The following LMBRD2 variants were observed in gnomAD, a reference collection of about 807,000 sequenced individuals.
LMBRD2 encodes LMBR1 domain containing 2.
In LMBRD2, 55 loss-of-function variants were observed where a neutral mutation model predicts 94.4. That is an observed-to-expected ratio of 0.58 (90% CI 0.47 to 0.73). The LOEUF is 0.73. LMBRD2 is among the 30% of genes least tolerant of loss of function. The probability of loss-of-function intolerance (pLI) is 0.00; values close to 1 mark genes in which losing one functional copy is unlikely to be tolerated. For missense variants in LMBRD2, 640 were observed against 831.9 expected (o/e 0.77, Z 2.84); for synonymous variants, 246 against 272.4 (o/e 0.90, Z 0.95).
chr5:36,114,324 A>T, intron 13 of LMBRD2, 100 bp downstream of exon 13: 1 of 1,393,782 alleles, frequency 7.2e-7, no homozygotes, highest in Middle Eastern at 2.6e-4. Context: ...AGCTACAATG[A>T]AACAAACTGA....
At chr5:36,126,715 T>C (rs1744015549) in intron 6 of LMBRD2, among the ~76,000 whole-genome samples, 1 of 152,104 alleles carries the variant, frequency 6.6e-6, no homozygotes, top group South Asian at 2.1e-4. Flanking sequence ...CAAATGCATA[T>C]ATCAATTTCA....
intron 16 of LMBRD2, among the ~76,000 whole-genome samples, chr5:36,108,121 G>A (rs1743515497): frequency 6.6e-6 from 1 of 152,024 alleles, no homozygotes; most frequent in South Asian, 2.1e-4. Context: ...TACCTTCTTT[G>A]TATTGCTGTA....
At chr5:36,135,324 A>G (rs1744245958) in intron 6 of LMBRD2, among the ~76,000 whole-genome samples, 1 of 152,214 alleles carries the variant, frequency 6.6e-6, no homozygotes, top group Admixed American at 6.5e-5. Flanking sequence ...TAGTGCTTAG[A>G]AAGTCCCTCT....
At position 36,109,526 on chromosome 5, in the gene LMBRD2, G is replaced by A. The variant is rs543070540; in HGVS notation, c.1791+419C>T. 2.0e-5 allele frequency among the ~76,000 whole-genome samples: 3 copies of A among 151,960 alleles called. 1 individual carries two copies. Among genetic ancestry groups the A allele is most frequent in the Non-Finnish European group, 2.9e-5 (2 of 67,950 alleles). On this transcript the variant is annotated intron_variant, in intron 15 of 17. Coordinates refer to ENST00000296603, the MANE Select transcript of LMBRD2 (RefSeq NM_001007527.2). Reference sequence around the variant, plus strand: ...TTTTGCCTTTTCATTTTCTTCAGGAGGGTAGTTTGCCTCAGAAAATGGAGG... The same window carrying A: ...TTTTGCCTTTTCATTTTCTTCAGGAAGGTAGTTTGCCTCAGAAAATGGAGG...
At chr5:36,115,393 C>G (rs761207787) in intron 11 of LMBRD2, among the ~76,000 whole-genome samples, 1 of 152,126 alleles carries the variant, frequency 6.6e-6, no homozygotes, top group Non-Finnish European at 1.5e-5. Context: ...TTGTGGAGTG[C>G]CTTTGTATCA....
rs1051667755 is a variant in LMBRD2 at position 36,099,462 on chromosome 5, C to T, written c.*4584G>A. On this transcript the variant is annotated 3_prime_UTR_variant, in exon 18 of 18. Transcript: ENST00000296603. ...TTGGATTGCTTTTAAAAAATATATA[C>T]ACAGTCTCTCCCCTACAACTTGGTA... 10 of 152,192 alleles carry T rather than the reference C, an allele frequency of 6.6e-5. No homozygotes were observed. The highest frequency in any genetic ancestry group is 2.4e-4 in the African/African-American group (10 of 41,556). 9.4% of individuals were successfully genotyped at this position (152,192 alleles called of 1,614,324 possible).
At chr5:36,129,622 C>T (rs1414310157) in intron 6 of LMBRD2, among the ~76,000 whole-genome samples, 2 of 152,068 alleles carry the variant, frequency 1.3e-5, no homozygotes, top group South Asian at 2.1e-4. Context: ...GGGAGTTCTT[C>T]GATCTGAAAG....
At chr5:36,121,753 C>T (rs1213567859) in intron 9 of LMBRD2, among the ~76,000 whole-genome samples, 6 of 152,122 alleles carry the variant, frequency 3.9e-5, no homozygotes, top group Admixed American at 3.9e-4. Context: ...CATAAAATTA[C>T]AATACTGCAT....
chr5:36,140,488 G>T (rs1744380921), intron 4 of LMBRD2, among the ~76,000 whole-genome samples: 1 of 152,166 alleles, frequency 6.6e-6, no homozygotes, highest in South Asian at 2.1e-4. Flanking sequence ...ACACCCCTAA[G>T]GATCCTGTGA....
At chr5:36,115,504 T>A (rs1177464304) in intron 11 of LMBRD2, among the ~76,000 whole-genome samples, 1 of 152,242 alleles carries the variant, frequency 6.6e-6, no homozygotes, top group African/African-American at 2.4e-5. Context: ...GAACTGAAGT[T>A]GTATCAACAT....
chr5:36,123,038 C>G, intron 7 of LMBRD2, 77 bp from the exon 8 acceptor site: 1 of 1,308,454 alleles, frequency 7.6e-7, no homozygotes. Flanking sequence ...AAAAATCTTT[C>G]ATTCTTGAGC....
intron 4 of LMBRD2, among the ~76,000 whole-genome samples, chr5:36,140,714 A>G (rs1409545465): frequency 6.6e-6 from 1 of 152,200 alleles, no homozygotes; most frequent in Non-Finnish European, 1.5e-5. Flanking sequence ...AGAAAGCCAT[A>G]AAGAGGACGG....
intron 9 of LMBRD2, 66 bp downstream of exon 9, chr5:36,122,214 T>G: frequency 8.4e-7 from 1 of 1,189,272 alleles, no homozygotes; most frequent in South Asian, 1.5e-5. Flanking sequence ...TTGGTGAAAA[T>G]ACATAACTTC....
At chr5:36,137,614 G>A (rs868314612) in intron 4 of LMBRD2, among the ~76,000 whole-genome samples, 173 bp from the exon 5 acceptor site, 1 of 152,172 alleles carries the variant, frequency 6.6e-6, no homozygotes, top group African/African-American at 2.4e-5. Flanking sequence ...GAGTATTTTT[G>A]TAATATAAAA....
chr5:36,110,013 C>T, intron 14 of LMBRD2, 22 bp from the exon 15 acceptor site: 1 of 1,587,266 alleles, frequency 6.3e-7, no homozygotes, highest in Non-Finnish European at 8.6e-7. Context: ...AAAATGATCT[C>T]AAATATGGCA....
chr5:36,146,397 G>GT (rs1744538616), intron 1 of LMBRD2, among the ~76,000 whole-genome samples: 1 of 152,102 alleles, frequency 6.6e-6, no homozygotes, highest in Admixed American at 6.5e-5. Context: ...TACTGGCAGG[G>GT]TCTCACACTG....
intron 1 of LMBRD2, chr5:36,148,099 ATGAT>A (rs1744595655): frequency 5.2e-6 from 1 of 191,824 alleles, no homozygotes; most frequent in South Asian, 8.2e-5. Context: ...TTAGAAGTGA[ATGAT>A]TAAGTCAACA....
At chr5:36,121,056 A>G (rs988937393) in intron 9 of LMBRD2, among the ~76,000 whole-genome samples, 2 of 152,234 alleles carry the variant, frequency 1.3e-5, no homozygotes. Flanking sequence ...ACCCTAATTC[A>G]TATCTGCAAT....
chr5:36,114,586 T>C, intron 12 of LMBRD2, 65 bp from the exon 13 acceptor site: 2 of 1,435,540 alleles, frequency 1.4e-6, no homozygotes, highest in Non-Finnish European at 1.8e-6. Flanking sequence ...CTTTCCATCA[T>C]TAGAAAATTT....
Sources: gnomAD v4.1 joint callset for allele counts (sites outside exome capture counted in the v4.1 genomes callset) on GRCh38, gnomAD v4.1.1 for gene constraint, MANE v1.5 for transcripts, NCBI Gene and HGNC (gene_info 2026-07-23, HGNC 2026-07-21) for gene names.